VPS13B: variants seen among roughly 807,000 people sequenced by gnomAD.
VPS13B encodes vacuolar protein sorting 13 homolog B.
A neutral mutation model predicts 426.4 loss-of-function variants in VPS13B; 285 were observed. That is an observed-to-expected ratio of 0.67 (90% CI 0.61 to 0.74). VPS13B has a LOEUF of 0.74. Among genes scored for constraint, VPS13B ranks in the 30% least tolerant of loss-of-function variants. The probability of loss-of-function intolerance (pLI) is 0.00; values close to 1 mark genes in which losing one functional copy is unlikely to be tolerated. For synonymous variants in VPS13B, 1,676 were observed against 1,676.4 expected, an observed-to-expected ratio of 1.00 and a Z score of 0.01; for missense variants, 4,537 against 4,782.6, an observed-to-expected ratio of 0.95 and a Z score of 1.51.
At chr8:99,859,946 G>A (rs1238724035) in intron 57 of VPS13B, among the ~76,000 whole-genome samples, 3 of 152,182 alleles carry the variant, frequency 2.0e-5, no homozygotes, top group African/African-American at 4.8e-5. Flanking sequence ...AGCACGCCAC[G>A]TAAACAGTGC....
chr8:99,287,232 G>GTCTATCTATCTA (rs58719967), intron 19 of VPS13B, among the ~76,000 whole-genome samples: 1 of 139,036 alleles, frequency 7.2e-6, no homozygotes, highest in African/African-American at 2.6e-5. Flanking sequence ...CTATCTGTCT[G>GTCTATCTATCTA]TCTATCTATC....
intron 33 of VPS13B, among the ~76,000 whole-genome samples, chr8:99,626,836 T>G (rs2133903250): frequency 6.6e-6 from 1 of 152,354 alleles, no homozygotes; most frequent in African/African-American, 2.4e-5. Context: ...CCATATTCAT[T>G]GCTGCATTAT....
chr8:99,085,149 C>T (rs1272141018), intron 3 of VPS13B, among the ~76,000 whole-genome samples: 1 of 152,124 alleles, frequency 6.6e-6, no homozygotes, highest in Non-Finnish European at 1.5e-5. Flanking sequence ...TTATTGGGTG[C>T]ATATATATTT....
At chr8:99,493,808 A>T (rs865984092) in intron 25 of VPS13B, among the ~76,000 whole-genome samples, 1 of 134,388 alleles carries the variant, frequency 7.4e-6, no homozygotes, top group Non-Finnish European at 1.7e-5. Flanking sequence ...AAAAGAAAAG[A>T]AAAAGAAAAA....
chr8:99,352,538 A>G (rs1811947626), intron 19 of VPS13B, among the ~76,000 whole-genome samples: 2 of 152,234 alleles, frequency 1.3e-5, no homozygotes, highest in Admixed American at 1.3e-4. Context: ...ACTAACAAGT[A>G]AAAGAAAATA....
intron 43 of VPS13B, among the ~76,000 whole-genome samples, chr8:99,801,234 T>C (rs1178183930): frequency 6.6e-6 from 1 of 152,138 alleles, no homozygotes; most frequent in Admixed American, 6.5e-5. Flanking sequence ...AAAACAATGA[T>C]TTTTTTATTC....
chr8:99,459,258 T>G (rs1434060390), intron 23 of VPS13B, among the ~76,000 whole-genome samples: 1 of 152,232 alleles, frequency 6.6e-6, no homozygotes. Flanking sequence ...GATAATCCTG[T>G]TCATTTCTTC....
intron 34 of VPS13B, among the ~76,000 whole-genome samples, chr8:99,651,957 T>C (rs963859542): frequency 2.6e-5 from 4 of 152,172 alleles, no homozygotes; most frequent in Non-Finnish European, 4.4e-5. Context: ...TCTGCCATCT[T>C]GCAACTTATT....
intron 17 of VPS13B, among the ~76,000 whole-genome samples, chr8:99,268,562 C>T (rs1045321346): frequency 6.6e-6 from 1 of 152,178 alleles, no homozygotes; most frequent in Non-Finnish European, 1.5e-5. Context: ...TTTAGACTTC[C>T]ATGGGCTGTA....
intron 33 of VPS13B, among the ~76,000 whole-genome samples, chr8:99,608,992 G>A (rs1827725473): frequency 6.6e-6 from 1 of 152,016 alleles, no homozygotes; most frequent in South Asian, 2.1e-4. Flanking sequence ...TTTTTGTGTA[G>A]ACATGTGATT....
intron 25 of VPS13B, among the ~76,000 whole-genome samples, chr8:99,496,024 G>A (rs1820862687): frequency 6.6e-6 from 1 of 152,086 alleles, no homozygotes; most frequent in African/African-American, 2.4e-5. Context: ...GGGCATGGAT[G>A]TGCGTATAAA....
chr8:99,402,786 G>T (rs146088951), intron 21 of VPS13B, among the ~76,000 whole-genome samples: 5 of 152,224 alleles, frequency 3.3e-5, no homozygotes, highest in African/African-American at 1.2e-4. Context: ...AAGTTGAACA[G>T]CTCTTGAAGA....
chr8:99,696,507 G>T, intron 35 of VPS13B: 1 of 432,948 alleles, frequency 2.3e-6, no homozygotes, highest in Non-Finnish European at 4.4e-6. Flanking sequence ...CCTTGTGTTC[G>T]TGGTTGTCCA....
chr8:99,700,031 T>C, intron 36 of VPS13B, 99 bp downstream of exon 36: 1 of 1,423,420 alleles, frequency 7.0e-7, no homozygotes, highest in Non-Finnish European at 9.5e-7. Context: ...ATGTAGAAGT[T>C]AAAAGTTGTA....
intron 19 of VPS13B, among the ~76,000 whole-genome samples, chr8:99,325,001 T>C (rs1281916833): frequency 1.3e-5 from 2 of 152,202 alleles, no homozygotes; most frequent in African/African-American, 2.4e-5. Context: ...CTCATTTTCA[T>C]TGAGATTCTG....
At chr8:99,421,905 C>T (rs1563721027) in intron 21 of VPS13B, among the ~76,000 whole-genome samples, 1 of 152,020 alleles carries the variant, frequency 6.6e-6, no homozygotes, top group Non-Finnish European at 1.5e-5. Flanking sequence ...TGATCTTGAA[C>T]CCCTGGGTTC....
chr8:99,309,510 C>T (rs1445051424), intron 19 of VPS13B, among the ~76,000 whole-genome samples: 2 of 152,122 alleles, frequency 1.3e-5, no homozygotes, highest in East Asian at 3.9e-4. Flanking sequence ...GGTATTATTT[C>T]TGAGGGCTCT....
At chr8:99,210,280 A>T (rs2132792106) in intron 17 of VPS13B, among the ~76,000 whole-genome samples, 1 of 152,154 alleles carries the variant, frequency 6.6e-6, no homozygotes, top group East Asian at 1.9e-4. Context: ...TTTACCCTGG[A>T]TATTCTCAGC....
At chr8:99,255,717 C>G (rs1212803507) in intron 17 of VPS13B, among the ~76,000 whole-genome samples, 1 of 152,010 alleles carries the variant, frequency 6.6e-6, no homozygotes, top group African/African-American at 2.4e-5. Flanking sequence ...TTTAGATTGC[C>G]TCATTACTGC....
Sources: gnomAD v4.1 joint callset for allele counts (sites outside exome capture counted in the v4.1 genomes callset) on GRCh38, gnomAD v4.1.1 for gene constraint, MANE v1.5 for transcripts, NCBI Gene and HGNC (gene_info 2026-07-23, HGNC 2026-07-21) for gene names.